NTAQ1: variants seen among roughly 807,000 people sequenced by gnomAD.
NTAQ1 encodes the protein protein N-terminal glutamine amidohydrolase.
A neutral mutation model predicts 28.2 loss-of-function variants in NTAQ1; 21 were observed. The observed-to-expected ratio is 0.74, with a 90% confidence interval of 0.53 to 1.07. NTAQ1 has a LOEUF of 1.07. Ranked by LOEUF, NTAQ1 falls within the 50% of genes least tolerant of loss-of-function variation. The pLI, the probability that NTAQ1 is intolerant of heterozygous loss-of-function variation, is 0.00. For missense variants in NTAQ1, 264 were observed against 256.6 expected (o/e 1.03, Z -0.20); for synonymous variants, 105 against 90.0 (o/e 1.17, Z -0.94).
downstream of NTAQ1, among the ~76,000 whole-genome samples, chr8:123,471,684 G>A (rs1816043409): frequency 1.3e-5 from 2 of 152,142 alleles, no homozygotes; most frequent in South Asian, 4.2e-4. Flanking sequence ...CAGCTCAAAG[G>A]CAGTCAAGGA....
downstream of NTAQ1, among the ~76,000 whole-genome samples, chr8:123,473,904 GT>G (rs1248713937): frequency 3.4e-5 from 5 of 148,796 alleles, no homozygotes; most frequent in Admixed American, 6.7e-5. Flanking sequence ...GGAAGTAAAA[GT>G]TTTTTTTTTA....
chr8:123,437,281 C>T lies in NTAQ1; in HGVS notation c.455C>T (p.Ser152Phe). Residue 152 changes from serine to phenylalanine, a missense_variant, in exon 5 of 6, where the codon TCC becomes TTC. By Grantham distance (155) the Ser-to-Phe change is radical (BLOSUM62 -2). Coordinates refer to ENST00000287387, the MANE Select transcript of NTAQ1 (RefSeq NM_018024.3). ...FASDRSHMKD[S>F]SGNWREPPPP... ...TCTGACCGATCTCACATGAAAGACT[C>T]CAGTGGGAATTGGAGAGAGCCTCCG... 1.2e-6 allele frequency: 2 copies of T among 1,614,106 alleles called. No individual in the cohort carries two copies. The highest frequency in any genetic ancestry group is 2.2e-5 in the South Asian group (2 of 91,084).
intron 1 of NTAQ1, among the ~76,000 whole-genome samples, chr8:123,419,200 G>T (rs1265446406): frequency 6.7e-6 from 1 of 148,980 alleles, no homozygotes; most frequent in African/African-American, 2.5e-5. Flanking sequence ...CCAGGCTCAA[G>T]CCATTCTTCT....
At chr8:123,445,775 T>C (rs1235670921), downstream of NTAQ1, among the ~76,000 whole-genome samples, 1 of 151,090 alleles carries the variant, frequency 6.6e-6, no homozygotes, top group East Asian at 2.0e-4. Flanking sequence ...TTGGCTAATT[T>C]TTGTATTTTT....
At chr8:123,441,124 T>C (rs1815041453) in intron 5 of NTAQ1, among the ~76,000 whole-genome samples, 182 bp from the exon 6 acceptor site, 1 of 152,146 alleles carries the variant, frequency 6.6e-6, no homozygotes, top group South Asian at 2.1e-4. Flanking sequence ...TCAGTTTGGG[T>C]GTGTGTGTTT....
At chr8:123,454,796 A>G (rs190670326) in intron 6 of NTAQ1, among the ~76,000 whole-genome samples, 136 of 152,202 alleles carry the variant, frequency 8.9e-4, no homozygotes, top group African/African-American at 3.1e-3. Flanking sequence ...CAAGAAGATC[A>G]CCTACCCCTG....
intron 6 of NTAQ1, among the ~76,000 whole-genome samples, chr8:123,460,159 T>C (rs950517533): frequency 1.3e-5 from 2 of 152,178 alleles, no homozygotes; most frequent in Non-Finnish European, 2.9e-5. Flanking sequence ...AAAAAAAATC[T>C]TAAATAGTAC....
At chr8:123,418,328 G>A (rs1027789999) in intron 1 of NTAQ1, among the ~76,000 whole-genome samples, 3 of 151,970 alleles carry the variant, frequency 2.0e-5, no homozygotes, top group Non-Finnish European at 4.4e-5. Context: ...GCGTGCACCT[G>A]TAATCCCAGC....
At chr8:123,440,184 C>A (rs375054713) in intron 5 of NTAQ1, among the ~76,000 whole-genome samples, 2 of 76,098 alleles carry the variant, frequency 2.6e-5, no homozygotes, top group Non-Finnish European at 2.3e-5. Flanking sequence ...GAGACGGAGT[C>A]TTGCTCTATT....
intron 3 of NTAQ1, among the ~76,000 whole-genome samples, chr8:123,434,555 G>A (rs1268578178): frequency 1.3e-5 from 2 of 152,164 alleles, no homozygotes; most frequent in Non-Finnish European, 2.9e-5. Flanking sequence ...AACCCCGGAG[G>A]TGGAGGTTGC....
downstream of NTAQ1, among the ~76,000 whole-genome samples, chr8:123,443,778 G>T (rs1322059051): frequency 1.3e-5 from 2 of 152,094 alleles, no homozygotes; most frequent in African/African-American, 2.4e-5. Context: ...TTGCCACATT[G>T]CTCAGGCTGG....
At chr8:123,475,556 A>T in the NTAQ1 span, among the ~76,000 whole-genome samples, 1 of 152,220 alleles carries the variant, frequency 6.6e-6, no homozygotes, top group African/African-American at 2.4e-5. Flanking sequence ...TACATATGTT[A>T]TAAATCTATG....
intron 5 of NTAQ1, among the ~76,000 whole-genome samples, chr8:123,440,298 G>C (rs1814978321): frequency 1.3e-5 from 2 of 151,430 alleles, no homozygotes; most frequent in African/African-American, 4.9e-5. Context: ...TTGGATTCTA[G>C]GCACCCACTA....
At chr8:123,427,819 T>A in intron 1 of NTAQ1, 105 bp from the exon 2 acceptor site, 1 of 891,662 alleles carries the variant, frequency 1.1e-6, no homozygotes, top group South Asian at 1.6e-5. Context: ...GACATGGGGT[T>A]TAAGGTCTTT....
downstream of NTAQ1, among the ~76,000 whole-genome samples, chr8:123,474,796 A>G (rs986594737): frequency 2.6e-5 from 4 of 152,122 alleles, no homozygotes; most frequent in Admixed American, 6.6e-5. Flanking sequence ...CTGAGGCAGG[A>G]GAATAGCTTG....
At position 123,435,558 on chromosome 8, in the gene NTAQ1, C is replaced by T. The variant is rs186389461; in HGVS notation, c.235-895C>T. 9.2e-5 allele frequency: 90 copies of T among 983,064 alleles called. 1 individual carries two copies. In the East Asian group the frequency reaches 6.6e-3, roughly 72 times the overall value. 60.9% of individuals were successfully genotyped at this position (983,064 alleles called of 1,614,324 possible). ...GAATGCGCACGTATGTCTTTATATA[C>T]AGATAGCTTTTAACAAATAGCAGGT... On this transcript the variant is annotated intron_variant, in intron 3 of 5. Transcript: ENST00000287387.
At chr8:123,456,734 A>G (rs1408360118) in intron 6 of NTAQ1, among the ~76,000 whole-genome samples, 3 of 152,200 alleles carry the variant, frequency 2.0e-5, no homozygotes, top group Admixed American at 1.3e-4. Flanking sequence ...TGATTTTTAC[A>G]CCTGTTAGAC....
chr8:123,424,697 G>T (rs542919526), intron 1 of NTAQ1, among the ~76,000 whole-genome samples: 26 of 152,132 alleles, frequency 1.7e-4, no homozygotes, highest in African/African-American at 5.8e-4. Context: ...GAACCACCTC[G>T]CCTGGCCCCT....
exon 7 of NTAQ1, among the ~76,000 whole-genome samples, chr8:123,468,874 T>G (rs62519255): frequency 6.6e-6 from 1 of 152,360 alleles, no homozygotes; most frequent in African/African-American, 2.4e-5. Flanking sequence ...AGCAAGCACT[T>G]GTTATACAGT....
Sources: gnomAD v4.1 joint callset for allele counts (sites outside exome capture counted in the v4.1 genomes callset) on GRCh38, gnomAD v4.1.1 for gene constraint, MANE v1.5 for transcripts, NCBI Gene and HGNC (gene_info 2026-07-23, HGNC 2026-07-21) for gene names.